The following ITFG1 variants were observed in gnomAD, a reference collection of about 807,000 sequenced individuals.
The protein encoded by ITFG1 is T-cell immunomodulatory protein.
In ITFG1, 34 loss-of-function variants were observed where a neutral mutation model predicts 81.8. The observed-to-expected ratio is 0.42, with a 90% confidence interval of 0.32 to 0.55. The LOEUF is 0.55. Ranked by LOEUF, ITFG1 falls within the 20% of genes least tolerant of loss-of-function variation. The probability of loss-of-function intolerance (pLI) is 0.17; values close to 1 mark genes in which losing one functional copy is unlikely to be tolerated. For synonymous variants in ITFG1, 285 were observed against 270.6 expected (o/e 1.05, Z -0.52); for missense variants, 672 against 755.4 (o/e 0.89, Z 1.29).
At chr16:47,269,044 T>G (rs948468940) in intron 10 of ITFG1, among the ~76,000 whole-genome samples, 1 of 152,158 alleles carries the variant, frequency 6.6e-6, no homozygotes, top group Non-Finnish European at 1.5e-5. Context: ...AGACCTACAG[T>G]GAACATCATA....
intron 6 of ITFG1, among the ~76,000 whole-genome samples, chr16:47,406,622 T>G (rs1283215437): frequency 2.0e-5 from 3 of 152,162 alleles, no homozygotes; most frequent in African/African-American, 7.2e-5. Context: ...GAAATGACAG[T>G]GAACCGAAGA....
intron 6 of ITFG1, among the ~76,000 whole-genome samples, chr16:47,397,297 T>C (rs145209192): frequency 6.6e-6 from 1 of 151,700 alleles, no homozygotes; most frequent in South Asian, 2.1e-4. Flanking sequence ...AGAGTGGAAG[T>C]GTTGGGGAGG....
intron 8 of ITFG1, among the ~76,000 whole-genome samples, chr16:47,341,691 G>T (rs1235786179): frequency 6.6e-6 from 1 of 152,070 alleles, no homozygotes; most frequent in African/African-American, 2.4e-5. Context: ...CTTTTATCTA[G>T]ATTGACAAAA....
At chr16:47,202,582 T>C (rs1178378290) in intron 14 of ITFG1, among the ~76,000 whole-genome samples, 1 of 148,440 alleles carries the variant, frequency 6.7e-6, no homozygotes, top group Non-Finnish European at 1.5e-5. Context: ...TGTGCAGGTG[T>C]AACTTAAAAA....
chr16:47,446,386 T>C (rs1969325422), intron 5 of ITFG1, among the ~76,000 whole-genome samples: 1 of 152,304 alleles, frequency 6.6e-6, no homozygotes, highest in East Asian at 1.9e-4. Context: ...CTCAGGTACA[T>C]AAGAGAAAAT....
At chr16:47,210,062 G>T (rs1965545937) in intron 14 of ITFG1, among the ~76,000 whole-genome samples, 1 of 152,138 alleles carries the variant, frequency 6.6e-6, no homozygotes, top group Non-Finnish European at 1.5e-5. Flanking sequence ...TGGGATAAAT[G>T]CCTGGGACTG....
At chr16:47,328,781 C>T (rs759532497) in intron 8 of ITFG1, among the ~76,000 whole-genome samples, 7 of 152,006 alleles carry the variant, frequency 4.6e-5, no homozygotes, top group Admixed American at 1.3e-4. Context: ...AACTTTTTTC[C>T]GTCAACAGTC....
upstream of ITFG1, chr16:47,461,212 G>A: frequency 1.0e-6 from 1 of 969,484 alleles, no homozygotes; most frequent in Non-Finnish European, 1.5e-6. Flanking sequence ...CGCTAAAAAA[G>A]CAGTGGAGCT....
chr16:47,203,585 T>A (rs1965455021), intron 14 of ITFG1, among the ~76,000 whole-genome samples: 2 of 152,106 alleles, frequency 1.3e-5, no homozygotes, highest in South Asian at 4.1e-4. Flanking sequence ...GCAGCCCAGA[T>A]CCCTTACACG....
At chr16:47,397,106 A>G (rs1373467123) in intron 6 of ITFG1, among the ~76,000 whole-genome samples, 1 of 152,218 alleles carries the variant, frequency 6.6e-6, no homozygotes, top group Non-Finnish European at 1.5e-5. Flanking sequence ...TCGGGGAGAA[A>G]TAATTTGAAA....
rs796473455 is a variant in ITFG1 at position 47,396,106 on chromosome 16, TC to T, written c.656-20167del. The T allele has an allele frequency of 3.2e-6, 3 of 931,446 alleles. No individual in the cohort carries two copies. In the African/African-American group the frequency reaches 5.3e-5, roughly 17 times the overall value. 57.7% of individuals were successfully genotyped at this position (931,446 alleles called of 1,614,324 possible). On this transcript the variant is annotated intron_variant, in intron 6 of 17. Coordinates refer to ENST00000320640, the MANE Select transcript of ITFG1 (RefSeq NM_030790.5). The stretch of plus-strand genomic sequence containing the variant: ...GATAGTAGCAGAAAACACTCACCTA[TC>T]CCTTTCCATTTTCTTAAGTATAGTG...
chr16:47,219,024 G>C, intron 13 of ITFG1, 78 bp from the exon 14 acceptor site: 1 of 959,622 alleles, frequency 1.0e-6, no homozygotes, highest in East Asian at 2.8e-5. Context: ...CTCTTTCAAA[G>C]CAAAAAATTC....
intron 8 of ITFG1, among the ~76,000 whole-genome samples, chr16:47,359,990 AAGC>A (rs1968089151): frequency 6.6e-6 from 1 of 152,256 alleles, no homozygotes; most frequent in Admixed American, 6.5e-5. Context: ...GCTATATGCC[AAGC>A]ATATAATACA....
At chr16:47,291,777 T>C (rs1966908760) in intron 10 of ITFG1, among the ~76,000 whole-genome samples, 1 of 152,208 alleles carries the variant, frequency 6.6e-6, no homozygotes, top group Non-Finnish European at 1.5e-5. Flanking sequence ...GTAATTAAGC[T>C]GCAGGATTTC....
intron 10 of ITFG1, among the ~76,000 whole-genome samples, chr16:47,309,634 A>G (rs1967226229): frequency 6.6e-6 from 1 of 152,220 alleles, no homozygotes. Context: ...ATCCATCTTA[A>G]AAGAACAGAA....
At chr16:47,192,400 C>A (rs535558838) in intron 14 of ITFG1, among the ~76,000 whole-genome samples, 1 of 152,196 alleles carries the variant, frequency 6.6e-6, no homozygotes, top group Non-Finnish European at 1.5e-5. Flanking sequence ...CTAGAGACTC[C>A]TTATTATTTA....
intron 6 of ITFG1, among the ~76,000 whole-genome samples, chr16:47,404,146 G>T (rs1460699782): frequency 6.6e-6 from 1 of 152,080 alleles, no homozygotes; most frequent in Non-Finnish European, 1.5e-5. Flanking sequence ...AAGGGTTGGG[G>T]GCTAGTGCTC....
At chr16:47,426,060 G>A (rs1384739824) in intron 6 of ITFG1, 1 of 152,078 alleles carries the variant, frequency 6.6e-6, no homozygotes, top group Non-Finnish European at 1.5e-5. Context: ...TGAGCTACCA[G>A]TGAGTTTTAT....
At chr16:47,245,103 T>C (rs1006320072) in intron 12 of ITFG1, among the ~76,000 whole-genome samples, 1 of 152,044 alleles carries the variant, frequency 6.6e-6, no homozygotes, top group African/African-American at 2.4e-5. Flanking sequence ...TCCCAGCACT[T>C]TGGGAGGCTG....
Sources: allele counts gnomAD v4.1 joint callset (sites outside exome capture counted in the v4.1 genomes callset), GRCh38; gene constraint gnomAD v4.1.1; transcripts MANE v1.5; gene names NCBI Gene and HGNC (gene_info 2026-07-23, HGNC 2026-07-21).